Variants in PCDHA5 observed in about 807,000 individuals in gnomAD.
PCDHA5 encodes the protein protocadherin alpha-5.
Under a neutral mutation model 61.6 loss-of-function variants are expected in PCDHA5, and 43 were observed. The ratio of observed to expected loss-of-function variants is 0.70; its 90% CI spans 0.55 to 0.90. The LOEUF (loss-of-function observed/expected upper bound fraction) is 0.90, where lower values mean the gene tolerates loss of function less well. PCDHA5 is among the 40% of genes least tolerant of loss of function. The pLI is 0.00. For synonymous variants in PCDHA5, 627 were observed against 543.9 expected (o/e 1.15, Z -2.13); for missense variants, 1,298 against 1,222.7 (o/e 1.06, Z -0.92).
At chr5:141,003,536 C>T (rs1409675219) in intron 3 of PCDHA5, among the ~76,000 whole-genome samples, 1 of 152,152 alleles carries the variant, frequency 6.6e-6, no homozygotes, top group Non-Finnish European at 1.5e-5. Context: ...TGGTCTTGAA[C>T]TCCTGGCTTC....
chr5:141,006,436 A>G (rs2153987648), intron 3 of PCDHA5, among the ~76,000 whole-genome samples: 1 of 152,098 alleles, frequency 6.6e-6, no homozygotes, highest in African/African-American at 2.4e-5. Context: ...GATGGTCTCA[A>G]TCTCCTGACC....
At chr5:140,886,339 C>T (rs181002773) in intron 1 of PCDHA5, among the ~76,000 whole-genome samples, 87 of 151,982 alleles carry the variant, frequency 5.7e-4, no homozygotes, top group Non-Finnish European at 1.2e-3. Flanking sequence ...ATGTGCAGAA[C>T]GTGCAGGTTT....
At chr5:140,928,594 G>A in intron 1 of PCDHA5, 1 of 1,614,204 alleles carries the variant, frequency 6.2e-7, no homozygotes, top group Non-Finnish European at 8.5e-7. Context: ...TGTCCCAGTG[G>A]AAATTGTGCC....
At chr5:140,962,601 C>T (rs1227208523) in intron 1 of PCDHA5, among the ~76,000 whole-genome samples, 1 of 152,160 alleles carries the variant, frequency 6.6e-6, no homozygotes, top group African/African-American at 2.4e-5. Context: ...TGATATATTT[C>T]TTCTGGAGGA....
intron 1 of PCDHA5, chr5:140,841,237 C>A (rs1428420937): frequency 1.4e-5 from 21 of 1,479,664 alleles, no homozygotes; most frequent in Non-Finnish European, 1.9e-5. Context: ...GGAGATGCAG[C>A]GGAATTGGAT....
chr5:140,834,321 A>T (rs1412819527), intron 1 of PCDHA5: 1 of 1,440,210 alleles, frequency 6.9e-7, no homozygotes, highest in Non-Finnish European at 9.4e-7. Context: ...TGAAGGGATA[A>T]AAACATTCCT....
chr5:141,006,620 T>C (rs1237251555), intron 3 of PCDHA5, among the ~76,000 whole-genome samples: 3 of 152,148 alleles, frequency 2.0e-5, no homozygotes, highest in Admixed American at 6.5e-5. Context: ...ATAAGGAGAC[T>C]ATTGCTGCAA....
chr5:140,927,614 A>G (rs1554204810), intron 1 of PCDHA5: 10 of 1,614,204 alleles, frequency 6.2e-6, no homozygotes, highest in South Asian at 1.1e-5. Flanking sequence ...TACCGCACCA[A>G]GGTTCCAGAG....
chr5:140,843,463 G>T, intron 1 of PCDHA5: 1 of 1,596,032 alleles, frequency 6.3e-7, no homozygotes, highest in Non-Finnish European at 8.6e-7. Flanking sequence ...TGGTGCTCAC[G>T]CTGCTGCTGT....
chr5:140,876,642 A>G (rs908095775), intron 1 of PCDHA5: 10 of 1,614,024 alleles, frequency 6.2e-6, no homozygotes, highest in African/African-American at 1.3e-5. Context: ...GCTCACTGAC[A>G]CCTCATGTTC....
intron 2 of PCDHA5, 80 bp downstream of exon 2, chr5:140,979,087 A>C (rs1284249394): frequency 6.4e-7 from 1 of 1,561,170 alleles, no homozygotes; most frequent in Non-Finnish European, 8.7e-7. Flanking sequence ...CATAGGCCAG[A>C]AGCAGCTGTC....
chr5:140,933,694 C>A lies in PCDHA5; in HGVS notation c.2353-45255C>A, dbSNP rs782754431. On this transcript the variant is annotated intron_variant, in intron 1 of 3. Coordinates refer to ENST00000529859, the MANE Select transcript of PCDHA5 (RefSeq NM_018908.3). ...CTCTCACATTTTTTTTCCTATTCCT[C>A]GGACACATTTACTGAGATTGGTGAT... 5.3e-5 allele frequency among the ~76,000 whole-genome samples: 8 copies of A among 151,858 alleles called. No homozygotes were observed. In the South Asian group the frequency reaches 1.7e-3, roughly 31 times the overall value.
intron 1 of PCDHA5, among the ~76,000 whole-genome samples, chr5:140,826,500 G>A (rs1768954368): frequency 6.6e-6 from 1 of 152,148 alleles, no homozygotes; most frequent in African/African-American, 2.4e-5. Context: ...TTTGGAGTAA[G>A]GTGAAGATGA....
At chr5:140,993,571 G>A (rs1298531948) in intron 3 of PCDHA5, among the ~76,000 whole-genome samples, 1 of 151,484 alleles carries the variant, frequency 6.6e-6, no homozygotes, top group Non-Finnish European at 1.5e-5. Flanking sequence ...TCCTTTCTAG[G>A]GATGCTTTTC....
intron 1 of PCDHA5, among the ~76,000 whole-genome samples, chr5:140,839,701 G>A (rs1342678083): frequency 6.6e-6 from 1 of 152,034 alleles, no homozygotes; most frequent in Non-Finnish European, 1.5e-5. Context: ...GGTAAATAAT[G>A]TGATGACAAA....
chr5:140,863,307 C>T (rs782595794), intron 1 of PCDHA5: 9 of 1,462,494 alleles, frequency 6.2e-6, no homozygotes, highest in Non-Finnish European at 6.5e-6. Context: ...TCGCCATCTG[C>T]GTGGTGTCCA....
chr5:140,978,440 T>C, intron 1 of PCDHA5, among the ~76,000 whole-genome samples: 1 of 152,244 alleles, frequency 6.6e-6, no homozygotes. Context: ...GCTGGTGTTA[T>C]GACTGGGCAC....
intron 1 of PCDHA5, among the ~76,000 whole-genome samples, chr5:140,977,853 C>T (rs2096777992): frequency 6.6e-6 from 1 of 152,212 alleles, no homozygotes; most frequent in Admixed American, 6.5e-5. Context: ...GGCTTTGTTT[C>T]TACCAAATAT....
chr5:140,967,240 C>T, intron 1 of PCDHA5: 1 of 1,613,644 alleles, frequency 6.2e-7, no homozygotes, highest in African/African-American at 1.3e-5. Flanking sequence ...TTCAGGTAAG[C>T]GAATCGGTGG....
Sources: allele counts gnomAD v4.1 joint callset (sites outside exome capture counted in the v4.1 genomes callset), GRCh38; gene constraint gnomAD v4.1.1; transcripts MANE v1.5; gene names NCBI Gene and HGNC (gene_info 2026-07-23, HGNC 2026-07-21).